The following ZNF385B variants were observed in gnomAD, a reference collection of about 807,000 sequenced individuals.
The protein encoded by ZNF385B is zinc finger protein 385B.
ZNF385B carries 23 observed loss-of-function variants against 39.2 expected under a neutral mutation model. The ratio of observed to expected loss-of-function variants is 0.59; its 90% CI spans 0.42 to 0.83. ZNF385B has a LOEUF of 0.83. Ranked by LOEUF, ZNF385B falls within the 40% of genes least tolerant of loss-of-function variation. The probability of loss-of-function intolerance (pLI) is 0.00; values close to 1 mark genes in which losing one functional copy is unlikely to be tolerated. For missense variants in ZNF385B, 552 were observed against 598.9 expected, an observed-to-expected ratio of 0.92 and a Z score of 0.82; for synonymous variants, 205 against 222.6, an observed-to-expected ratio of 0.92 and a Z score of 0.70.
intron 1 of ZNF385B, among the ~76,000 whole-genome samples, chr2:179,799,337 T>G (rs1705883157): frequency 6.6e-6 from 1 of 152,072 alleles, no homozygotes; most frequent in African/African-American, 2.4e-5. Context: ...AATCTACTTT[T>G]TTTAAAAGCT....
chr2:179,640,425 T>C (rs560802232), intron 3 of ZNF385B, among the ~76,000 whole-genome samples: 1 of 152,004 alleles, frequency 6.6e-6, no homozygotes, highest in South Asian at 2.1e-4. Context: ...ATTAATGATA[T>C]ATAAATGTAT....
chr2:179,758,065 C>T (rs927589055), intron 3 of ZNF385B, among the ~76,000 whole-genome samples: 3 of 152,120 alleles, frequency 2.0e-5, no homozygotes, highest in African/African-American at 7.2e-5. Flanking sequence ...ACGCTGGGAG[C>T]TATAGAGTGG....
At chr2:179,463,085 G>T (rs1383945196) in intron 6 of ZNF385B, among the ~76,000 whole-genome samples, 2 of 152,022 alleles carry the variant, frequency 1.3e-5, no homozygotes, top group Admixed American at 1.3e-4. Flanking sequence ...ATTATATAAA[G>T]ACATGATTAT....
intron 1 of ZNF385B, among the ~76,000 whole-genome samples, chr2:179,792,666 C>T (rs966723890): frequency 8.5e-5 from 13 of 152,070 alleles, no homozygotes; most frequent in African/African-American, 1.2e-4. Context: ...TGAGCCACCA[C>T]GCCCGGCCCA....
chr2:179,697,879 A>G (rs1409438441), intron 3 of ZNF385B, among the ~76,000 whole-genome samples: 5 of 152,206 alleles, frequency 3.3e-5, no homozygotes, highest in East Asian at 1.9e-4. Flanking sequence ...GGATGAGTTC[A>G]TGTCCTTTGT....
chr2:179,791,354 G>A (rs1380179948), intron 1 of ZNF385B, among the ~76,000 whole-genome samples: 1 of 152,142 alleles, frequency 6.6e-6, no homozygotes, highest in African/African-American at 2.4e-5. Flanking sequence ...AACTTTTGAA[G>A]ACTTATCTGA....
chr2:179,546,691 G>C (rs2060254276), intron 3 of ZNF385B, among the ~76,000 whole-genome samples: 1 of 150,716 alleles, frequency 6.6e-6, no homozygotes, highest in Non-Finnish European at 1.5e-5. Context: ...ACTTGGGAGT[G>C]CAGATATGTG....
intron 1 of ZNF385B, among the ~76,000 whole-genome samples, chr2:179,843,788 A>G (rs772573087): frequency 1.3e-5 from 2 of 152,184 alleles, no homozygotes; most frequent in Non-Finnish European, 2.9e-5. Flanking sequence ...TACCTTCAAC[A>G]TACAGGCAGG....
At chr2:179,783,832 T>C (rs952254440) in intron 1 of ZNF385B, among the ~76,000 whole-genome samples, 1 of 152,068 alleles carries the variant, frequency 6.6e-6, no homozygotes, top group African/African-American at 2.4e-5. Flanking sequence ...CAGATGCTGA[T>C]GAGGTTGCAG....
chr2:179,521,353 G>GT lies in ZNF385B; in HGVS notation c.442-2716dup, dbSNP rs56392185. Among the ~76,000 whole-genome samples the GT allele has an allele frequency of 5.8e-3, 624 of 108,154 alleles. 15 individuals are homozygous for GT. Among genetic ancestry groups the GT allele is most frequent in the African/African-American group, 0.02 (558 of 27,836 alleles). 71.0% of individuals were successfully genotyped at this position (108,154 alleles called of 152,430 possible). A position where few individuals can be genotyped will look rare whatever the true frequency, so the allele number is the denominator to read the frequency against. On this transcript the variant is annotated intron_variant, in intron 4 of 9. Coordinates refer to ENST00000410066, the MANE Select transcript of ZNF385B (RefSeq NM_152520.6). ...AGGCACCCACCACCGCACCTGGCCA[G>GT]TTTTTTTTTTTTTTTTTTGTATTTT... is the stretch of plus-strand genomic sequence containing the variant.
intron 3 of ZNF385B, among the ~76,000 whole-genome samples, chr2:179,759,439 C>T (rs974940077): frequency 7.9e-5 from 12 of 152,136 alleles, no homozygotes; most frequent in African/African-American, 2.2e-4. Flanking sequence ...TTTCCTGTAC[C>T]TCTGTTCCCA....
At chr2:179,751,657 A>G (rs890384388) in intron 3 of ZNF385B, among the ~76,000 whole-genome samples, 2 of 152,098 alleles carry the variant, frequency 1.3e-5, no homozygotes, top group Non-Finnish European at 2.9e-5. Flanking sequence ...TTTAAGGGAG[A>G]CGGGGAAAAC....
intron 4 of ZNF385B, among the ~76,000 whole-genome samples, chr2:179,529,462 G>C (rs2059125678): frequency 6.6e-6 from 1 of 152,110 alleles, no homozygotes; most frequent in Admixed American, 6.5e-5. Flanking sequence ...TTTGGTCAAA[G>C]TATACATAAG....
At chr2:179,739,478 C>G (rs1701961401) in intron 3 of ZNF385B, among the ~76,000 whole-genome samples, 1 of 152,180 alleles carries the variant, frequency 6.6e-6, no homozygotes, top group Admixed American at 6.5e-5. Flanking sequence ...GGGTTTAGAA[C>G]TAAGCATAGT....
intron 3 of ZNF385B, among the ~76,000 whole-genome samples, chr2:179,635,391 G>A (rs1014083476): frequency 1.5e-5 from 2 of 133,394 alleles, no homozygotes; most frequent in Non-Finnish European, 3.2e-5. Context: ...GGGGGGTGGG[G>A]GGGCTGGGGG....
chr2:179,758,477 G>C (rs929521129), intron 3 of ZNF385B, among the ~76,000 whole-genome samples: 1 of 152,160 alleles, frequency 6.6e-6, no homozygotes, highest in Admixed American at 6.5e-5. Flanking sequence ...ATTCATAATA[G>C]TGGCACCCTC....
chr2:179,594,499 T>C (rs949387421), intron 3 of ZNF385B, among the ~76,000 whole-genome samples: 1 of 152,236 alleles, frequency 6.6e-6, no homozygotes, highest in Non-Finnish European at 1.5e-5. Flanking sequence ...TGACTACCTA[T>C]ATCTAAGCCC....
chr2:179,696,174 T>A (rs1218871340), intron 3 of ZNF385B, among the ~76,000 whole-genome samples: 1 of 152,006 alleles, frequency 6.6e-6, no homozygotes, highest in Non-Finnish European at 1.5e-5. Context: ...TTTTTGAGGT[T>A]ATGAAAATAT....
intron 3 of ZNF385B, among the ~76,000 whole-genome samples, chr2:179,559,585 T>G (rs944747471): frequency 6.6e-6 from 1 of 152,166 alleles, no homozygotes; most frequent in African/African-American, 2.4e-5. Flanking sequence ...TGAAATTTCT[T>G]TTTCTTTATT....
Sources: gnomAD v4.1 joint callset for allele counts (sites outside exome capture counted in the v4.1 genomes callset) on GRCh38, gnomAD v4.1.1 for gene constraint, MANE v1.5 for transcripts, NCBI Gene and HGNC (gene_info 2026-07-23, HGNC 2026-07-21) for gene names.